The following COL25A1 variants were observed in gnomAD, a reference collection of about 807,000 sequenced individuals.
The protein encoded by COL25A1 is collagen type XXV alpha 1 chain, also known as collagen alpha-1(XXV) chain.
Under a neutral mutation model 128.4 loss-of-function variants are expected in COL25A1, and 103 were observed. That is an observed-to-expected ratio of 0.80 (90% CI 0.68 to 0.94). COL25A1 has a LOEUF of 0.94. Ranked by LOEUF, COL25A1 falls within the 40% of genes least tolerant of loss-of-function variation. The probability of loss-of-function intolerance (pLI) is 0.00; values close to 1 mark genes in which losing one functional copy is unlikely to be tolerated. For synonymous variants in COL25A1, 279 were observed against 277.2 expected (o/e 1.01, Z -0.06); for missense variants, 745 against 840.0 (o/e 0.89, Z 1.40).
At chr4:109,160,873 G>A (rs1772506688) in intron 3 of COL25A1, among the ~76,000 whole-genome samples, 3 of 152,086 alleles carry the variant, frequency 2.0e-5, no homozygotes, top group Non-Finnish European at 4.4e-5. Context: ...TACATATTAT[G>A]TAATTGGCTT....
chr4:108,822,146 C>T (rs962282468), intron 35 of COL25A1, among the ~76,000 whole-genome samples: 10 of 148,302 alleles, frequency 6.7e-5, no homozygotes, highest in African/African-American at 2.5e-4. Flanking sequence ...TGGGTTCAAG[C>T]GATTCTCCTG....
chr4:108,949,430 G>A (rs1049467192), intron 8 of COL25A1, among the ~76,000 whole-genome samples: 2 of 152,130 alleles, frequency 1.3e-5, no homozygotes, highest in Non-Finnish European at 2.9e-5. Flanking sequence ...ACACGAAGAG[G>A]TGAGGGGTCT....
At chr4:109,123,675 T>C (rs140903465) in intron 3 of COL25A1, among the ~76,000 whole-genome samples, 2,644 of 152,212 alleles carry the variant, frequency 0.017, 63 homozygotes, top group African/African-American at 0.051. Context: ...TAATATTCTA[T>C]TGATAATGCT....
intron 35 of COL25A1, among the ~76,000 whole-genome samples, chr4:108,823,507 A>C (rs1732015803): frequency 6.6e-6 from 1 of 152,194 alleles, no homozygotes; most frequent in African/African-American, 2.4e-5. Context: ...TCCATAATCC[A>C]AACTTTTCTT....
intron 3 of COL25A1, among the ~76,000 whole-genome samples, chr4:109,101,500 T>C (rs1765886828): frequency 6.6e-6 from 1 of 152,136 alleles, no homozygotes; most frequent in African/African-American, 2.4e-5. Context: ...GGGGGATAGT[T>C]CTTAAAATGG....
At chr4:108,888,828 CAGTT>C (rs955961043) in intron 18 of COL25A1, among the ~76,000 whole-genome samples, 35 of 152,152 alleles carry the variant, frequency 2.3e-4, no homozygotes, top group East Asian at 1.9e-3. Flanking sequence ...AGTTTAATGA[CAGTT>C]AGAAACAGCA....
At chr4:108,824,594 G>A (rs531737900) in intron 34 of COL25A1, among the ~76,000 whole-genome samples, 1 of 152,280 alleles carries the variant, frequency 6.6e-6, no homozygotes, top group East Asian at 1.9e-4. Context: ...CAGCTGTTGT[G>A]AATGTTAAAT....
intron 3 of COL25A1, among the ~76,000 whole-genome samples, chr4:109,297,862 C>CTTTTTTTTTTTTTTTTTTTTTT (rs35099153): frequency 1.6e-5 from 1 of 63,830 alleles, no homozygotes; most frequent in Non-Finnish European, 2.9e-5. Context: ...TTTTCCTTTT[C>CTTTTTTTTTTTTTTTTTTTTTT]TTTTTTTTTT....
intron 19 of COL25A1, among the ~76,000 whole-genome samples, chr4:108,879,861 C>T (rs919084410): frequency 6.0e-5 from 9 of 150,690 alleles, no homozygotes; most frequent in South Asian, 4.2e-4. Context: ...CAGGCTGGAG[C>T]GCAGTGGCAT....
At chr4:108,981,042 T>G (rs142365218) in intron 6 of COL25A1, among the ~76,000 whole-genome samples, 1 of 152,204 alleles carries the variant, frequency 6.6e-6, no homozygotes, top group Non-Finnish European at 1.5e-5. Flanking sequence ...ACACACATAC[T>G]CAATCCCCAC....
At chr4:109,155,190 C>T (rs920699461) in intron 3 of COL25A1, among the ~76,000 whole-genome samples, 1 of 152,226 alleles carries the variant, frequency 6.6e-6, no homozygotes, top group African/African-American at 2.4e-5. Flanking sequence ...TTATTTGGCA[C>T]TGTTGCTTCT....
chr4:108,908,495 C>T (rs1337406591), intron 13 of COL25A1, among the ~76,000 whole-genome samples: 4 of 152,156 alleles, frequency 2.6e-5, no homozygotes, highest in Non-Finnish European at 5.9e-5. Flanking sequence ...AGCTGTGTAA[C>T]ACGCAAAAGT....
At chr4:108,993,790 G>A (rs773930565) in intron 6 of COL25A1, among the ~76,000 whole-genome samples, 2 of 151,480 alleles carry the variant, frequency 1.3e-5, no homozygotes, top group Non-Finnish European at 2.9e-5. Context: ...AACCCGGGAG[G>A]CAGAGGTTGC....
At chr4:109,278,096 C>T (rs1578620839) in intron 3 of COL25A1, among the ~76,000 whole-genome samples, 1 of 152,068 alleles carries the variant, frequency 6.6e-6, no homozygotes, top group Admixed American at 6.5e-5. Flanking sequence ...GATCACACCA[C>T]TGCACTCCAG....
chr4:109,161,653 A>G (rs754822068), intron 3 of COL25A1, among the ~76,000 whole-genome samples: 4 of 152,172 alleles, frequency 2.6e-5, no homozygotes, highest in Admixed American at 1.3e-4. Flanking sequence ...ATAACAAAGT[A>G]TTTGCTTTTT....
chr4:108,877,518 T>C (rs1278295989), intron 19 of COL25A1, among the ~76,000 whole-genome samples: 1 of 152,218 alleles, frequency 6.6e-6, no homozygotes, highest in Non-Finnish European at 1.5e-5. Flanking sequence ...ATTCATTCTA[T>C]ATAAGATAGA....
rs79696288 is a variant in COL25A1 at position 108,906,078 on chromosome 4, G to A, written c.781-4906C>T. 5.1e-4 allele frequency among the ~76,000 whole-genome samples: 78 copies of A among 152,198 alleles called. No individual in the cohort carries two copies. The East Asian group carries it at 0.013, about 26-fold the overall frequency. ...GCTTCCAACATTCTCTTAAAAGCAA[G>A]TCAGGCATAGAGCTCCTTCACTCAG... On this transcript the variant is annotated intron_variant, in intron 13 of 37. Coordinates refer to ENST00000399132, the MANE Select transcript of COL25A1 (RefSeq NM_198721.4).
intron 6 of COL25A1, among the ~76,000 whole-genome samples, chr4:109,004,671 T>TTC (rs889080528): frequency 6.6e-6 from 1 of 151,818 alleles, no homozygotes; most frequent in Admixed American, 6.6e-5. Flanking sequence ...GTGTGGCACC[T>TTC]TCTCTCTCTC....
intron 3 of COL25A1, among the ~76,000 whole-genome samples, chr4:109,274,739 A>G (rs1485552419): frequency 6.6e-6 from 1 of 152,194 alleles, no homozygotes; most frequent in Non-Finnish European, 1.5e-5. Flanking sequence ...TATATAACTA[A>G]AAAATTACAA....
Sources: gnomAD v4.1 joint callset for allele counts (sites outside exome capture counted in the v4.1 genomes callset) on GRCh38, gnomAD v4.1.1 for gene constraint, MANE v1.5 for transcripts, NCBI Gene and HGNC (gene_info 2026-07-23, HGNC 2026-07-21) for gene names.